TXNDC11: variants seen among roughly 807,000 people sequenced by gnomAD.
TXNDC11 encodes thioredoxin domain-containing protein 11.
In TXNDC11, 68 loss-of-function variants were observed where a neutral mutation model predicts 78.0. That is an observed-to-expected ratio of 0.87 (90% confidence interval 0.72 to 1.07). The LOEUF is 1.07. Among genes scored for constraint, TXNDC11 ranks in the 50% least tolerant of loss-of-function variants. The pLI is 0.00. For missense variants in TXNDC11, 1,389 were observed against 1,221.8 expected (o/e 1.14, Z -2.04); for synonymous variants, 571 against 495.2 (o/e 1.15, Z -2.03).
intron 10 of TXNDC11, 84 bp from the exon 11 acceptor site, chr16:11,684,329 A>T: frequency 9.7e-7 from 1 of 1,026,846 alleles, no homozygotes; most frequent in Non-Finnish European, 1.5e-6. Flanking sequence ...AACTTCAAGA[A>T]CCTGGTGCAT....
At chr16:11,681,003 TA>T (rs2050410475) in intron 11 of TXNDC11, among the ~76,000 whole-genome samples, 1 of 151,418 alleles carries the variant, frequency 6.6e-6, no homozygotes, top group South Asian at 2.1e-4. Context: ...CTCATCTGTA[TA>T]AAAAGTAAGA....
intron 10 of TXNDC11, among the ~76,000 whole-genome samples, chr16:11,686,326 T>C (rs1330649940): frequency 6.6e-6 from 1 of 152,206 alleles, no homozygotes; most frequent in Admixed American, 6.5e-5. Flanking sequence ...ATTAACTGTA[T>C]GAAAAGCACT....
intron 6 of TXNDC11, among the ~76,000 whole-genome samples, chr16:11,699,456 GA>G (rs1349720697): frequency 1.3e-5 from 2 of 152,240 alleles, no homozygotes; most frequent in Non-Finnish European, 2.9e-5. Context: ...GGGCAGCAGA[GA>G]AACAACCACA....
At chr16:11,708,864 C>G (rs2051256995) in intron 5 of TXNDC11, among the ~76,000 whole-genome samples, 1 of 152,182 alleles carries the variant, frequency 6.6e-6, no homozygotes, top group Non-Finnish European at 1.5e-5. Context: ...TCCCACTCTT[C>G]TTTCCAAAGT....
intron 2 of TXNDC11, 37 bp downstream of exon 2, chr16:11,735,980 A>T: frequency 6.3e-7 from 1 of 1,598,874 alleles, no homozygotes; most frequent in Non-Finnish European, 8.6e-7. Flanking sequence ...TATAGGACTG[A>T]CAGTCATTTG....
intron 1 of TXNDC11, among the ~76,000 whole-genome samples, chr16:11,737,334 T>A (rs4781145): frequency 0.93 from 140,630 of 151,638 alleles, 65,297 homozygotes; most frequent in African/African-American, 0.98. Context: ...AATCCCAGCT[T>A]CTCGGGAAGC....
chr16:11,706,110 T>TA (rs939852684), intron 5 of TXNDC11, among the ~76,000 whole-genome samples: 8 of 150,684 alleles, frequency 5.3e-5, no homozygotes, highest in South Asian at 2.1e-4. Flanking sequence ...CCCATTCGAT[T>TA]AAAAAAAAAA....
rs533753259 is a variant in TXNDC11 at position 11,742,809 on chromosome 16, A to G, written c.-79T>C. 2.4e-5 allele frequency: 33 copies of G among 1,371,782 alleles called. No homozygotes were observed. The highest frequency in any genetic ancestry group is 2.8e-4 in the Middle Eastern group (1 of 3,634). 85.0% of individuals were successfully genotyped at this position (1,371,782 alleles called of 1,614,324 possible). A position where few individuals can be genotyped will look rare whatever the true frequency, so the allele number is the denominator to read the frequency against. ...GCCCGGCCCGGCCCGTTGCTCCCCA[A>G]TCCCGCAGCTCGCCGCACCCGCTAA... On this transcript the variant is annotated 5_prime_UTR_variant, in exon 1 of 12. Transcript: ENST00000283033.
chr16:11,684,069 G>A lies in TXNDC11; in HGVS notation c.2234+96C>T, dbSNP rs74008162. The A allele has an allele frequency of 9.0e-3, 7,849 of 876,972 alleles. 439 individuals carry two copies. The African/African-American group carries it at 0.12, about 13-fold the overall frequency. The allele number at this position is 876,972 out of a possible 1,614,324, so 54.3% of individuals were successfully genotyped here. ...CCTGGTTCCTAAGGGAACATTTTTT[G>A]AACATAATGAATGATTTACATCTTA... is the stretch of plus-strand genomic sequence containing the variant. On this transcript the variant is annotated intron_variant, in intron 11 of 11. Coordinates refer to ENST00000283033, the MANE Select transcript of TXNDC11 (RefSeq NM_015914.7).
intron 7 of TXNDC11, 102 bp downstream of exon 7, chr16:11,698,023 C>G: frequency 9.0e-7 from 1 of 1,105,080 alleles, no homozygotes; most frequent in Non-Finnish European, 1.3e-6. Flanking sequence ...CTCGTGGCAG[C>G]CATTAGCTGC....
intron 1 of TXNDC11, 178 bp downstream of exon 1, chr16:11,742,299 G>A (rs906888369): frequency 8.2e-5 from 40 of 485,348 alleles, no homozygotes; most frequent in Non-Finnish European, 1.2e-4. Context: ...TCCGCGGGCG[G>A]GCCGGGGCGA....
intron 5 of TXNDC11, among the ~76,000 whole-genome samples, chr16:11,710,936 T>A (rs1241213152): frequency 6.6e-6 from 1 of 152,178 alleles, no homozygotes; most frequent in Non-Finnish European, 1.5e-5. Flanking sequence ...CAAGACAGGC[T>A]GCTAAGCGGA....
At chr16:11,716,233 T>G (rs1351131857) in intron 5 of TXNDC11, among the ~76,000 whole-genome samples, 1 of 152,178 alleles carries the variant, frequency 6.6e-6, no homozygotes, top group African/African-American at 2.4e-5. Context: ...AGATGAAAAA[T>G]GGGGTCAAAA....
intron 5 of TXNDC11, among the ~76,000 whole-genome samples, chr16:11,704,087 C>T (rs569470072): frequency 6.6e-6 from 1 of 151,946 alleles, no homozygotes; most frequent in African/African-American, 2.4e-5. Context: ...AGTGAAACTC[C>T]GTCTCAAAAA....
At chr16:11,715,479 A>T (rs1597463346) in intron 5 of TXNDC11, among the ~76,000 whole-genome samples, 2 of 144,310 alleles carry the variant, frequency 1.4e-5, no homozygotes, top group Admixed American at 7.0e-5. Flanking sequence ...AAAAAAAAAA[A>T]GAATGAACCA....
intron 1 of TXNDC11, among the ~76,000 whole-genome samples, chr16:11,741,521 G>A (rs938143013): frequency 3.3e-5 from 5 of 152,112 alleles, no homozygotes; most frequent in African/African-American, 1.2e-4. Context: ...CCGTGGACAC[G>A]CTCCCCCGGG....
chr16:11,716,289 G>C (rs188220714), intron 5 of TXNDC11, among the ~76,000 whole-genome samples: 10 of 152,328 alleles, frequency 6.6e-5, no homozygotes, highest in Admixed American at 5.2e-4. Context: ...AATTATAGCA[G>C]AGTATGACAA....
At chr16:11,703,564 G>A in intron 5 of TXNDC11, 1 of 607,784 alleles carries the variant, frequency 1.6e-6, no homozygotes, top group African/African-American at 1.8e-5. Context: ...AGAGGGGATG[G>A]ATAGAGAAAT....
chr16:11,716,027 T>C (rs937798458), intron 5 of TXNDC11, among the ~76,000 whole-genome samples: 4 of 152,262 alleles, frequency 2.6e-5, no homozygotes, highest in Admixed American at 1.3e-4. Context: ...TTTGACCTTA[T>C]AAAATAAGGA....
Sources: allele counts gnomAD v4.1 joint callset (sites outside exome capture counted in the v4.1 genomes callset), GRCh38; gene constraint gnomAD v4.1.1; transcripts MANE v1.5; gene names NCBI Gene and HGNC (gene_info 2026-07-23, HGNC 2026-07-21).